The following CNTLN variants were observed in gnomAD, a reference collection of about 807,000 sequenced individuals.
The protein encoded by CNTLN is centlein.
CNTLN carries 212 observed loss-of-function variants against 180.0 expected under a neutral mutation model. The observed-to-expected ratio is 1.18, with a 90% CI of 1.05 to 1.32. The LOEUF (loss-of-function observed/expected upper bound fraction) is 1.32. Ranked by LOEUF, CNTLN falls within the 40% of genes most tolerant of loss-of-function variation. The pLI, the probability that CNTLN is intolerant of heterozygous loss-of-function variation, is 0.00. For synonymous variants in CNTLN, 722 were observed against 563.1 expected (o/e 1.28, Z -3.99); for missense variants, 2,095 against 1,610.9 (o/e 1.30, Z -5.14).
At chr9:17,448,880 T>C (rs1421852052) in intron 18 of CNTLN, among the ~76,000 whole-genome samples, 1 of 152,184 alleles carries the variant, frequency 6.6e-6, no homozygotes, top group Non-Finnish European at 1.5e-5. Flanking sequence ...GCTATTTCTA[T>C]GTTGAATTAA....
chr9:17,178,201 C>T (rs964407109), intron 2 of CNTLN, among the ~76,000 whole-genome samples: 1 of 152,178 alleles, frequency 6.6e-6, no homozygotes, highest in Admixed American at 6.5e-5. Context: ...GGTGCATTCA[C>T]AAGCACTGAG....
chr9:17,384,290 G>GAA (rs34297599), intron 13 of CNTLN, among the ~76,000 whole-genome samples: 72,639 of 148,242 alleles, frequency 0.49, 18,796 homozygotes, highest in Non-Finnish European at 0.59. Flanking sequence ...TAAATAAAAT[G>GAA]AAAAAAAAAA....
intron 2 of CNTLN, among the ~76,000 whole-genome samples, chr9:17,210,067 A>G (rs1451378218): frequency 6.6e-6 from 1 of 152,036 alleles, no homozygotes; most frequent in Non-Finnish European, 1.5e-5. Flanking sequence ...TTATTTATTT[A>G]TTTATTTTTA....
At chr9:17,240,342 A>AT (rs528494567) in intron 5 of CNTLN, among the ~76,000 whole-genome samples, 27 of 150,036 alleles carry the variant, frequency 1.8e-4, no homozygotes, top group African/African-American at 5.1e-4. Flanking sequence ...ACTAATTCTG[A>AT]TTTTTTTTTT....
At chr9:17,429,508 A>G (rs1216439694) in intron 18 of CNTLN, among the ~76,000 whole-genome samples, 1 of 152,104 alleles carries the variant, frequency 6.6e-6, no homozygotes, top group Non-Finnish European at 1.5e-5. Context: ...TTCATATCAA[A>G]TTAAATTTAA....
At chr9:17,223,295 A>T (rs1563897832) in intron 2 of CNTLN, among the ~76,000 whole-genome samples, 1 of 152,042 alleles carries the variant, frequency 6.6e-6, no homozygotes. Context: ...AGTGAAACTG[A>T]GGGTAAGGGG....
intron 18 of CNTLN, among the ~76,000 whole-genome samples, chr9:17,419,967 A>T (rs2584551): frequency 0.9 from 137,609 of 152,208 alleles, 62,688 homozygotes; most frequent in Non-Finnish European, 0.97. Context: ...CAGGCTGGAG[A>T]GCAGTGGCGC....
At chr9:17,500,348 G>T (rs908822680) in intron 25 of CNTLN, among the ~76,000 whole-genome samples, 1 of 152,200 alleles carries the variant, frequency 6.6e-6, no homozygotes, top group Non-Finnish European at 1.5e-5. Flanking sequence ...TAATGTCCAT[G>T]TTGAAAATTG....
At chr9:17,367,722 G>A (rs1028992025) in intron 13 of CNTLN, among the ~76,000 whole-genome samples, 1 of 152,134 alleles carries the variant, frequency 6.6e-6, no homozygotes, top group African/African-American at 2.4e-5. Context: ...GCTCCTGGAT[G>A]ACATTTCTAG....
At chr9:17,494,232 C>T (rs146269494) in intron 25 of CNTLN, among the ~76,000 whole-genome samples, 1 of 152,130 alleles carries the variant, frequency 6.6e-6, no homozygotes, top group African/African-American at 2.4e-5. Context: ...TGCTACTAGT[C>T]TCCCCAGAAG....
intron 12 of CNTLN, among the ~76,000 whole-genome samples, chr9:17,357,595 A>T (rs201225564): frequency 1.7e-3 from 146 of 84,372 alleles, no homozygotes; most frequent in East Asian, 9.6e-3. Flanking sequence ...TATATATATA[A>T]ATACTACATA....
rs60525398 is a variant in CNTLN at position 17,503,437 on chromosome 9, C to G, written c.*785C>G. 29 of 152,094 alleles carry G rather than the reference C, an allele frequency of 1.9e-4. No individual in the cohort carries two copies. Among genetic ancestry groups the G allele is most frequent in the African/African-American group, 5.8e-4 (24 of 41,366 alleles). 9.4% of individuals were successfully genotyped at this position (152,094 alleles called of 1,614,324 possible). Reference sequence around the variant, plus strand: ...ATTCCCACCTCATTTCACCTCTTCACCGTGTTCCTGCCATACCCTTTTTGG... The same window carrying G: ...ATTCCCACCTCATTTCACCTCTTCAGCGTGTTCCTGCCATACCCTTTTTGG... On this transcript the variant is annotated 3_prime_UTR_variant, in exon 26 of 26. Coordinates refer to ENST00000380647, the MANE Select transcript of CNTLN (RefSeq NM_017738.4).
intron 18 of CNTLN, among the ~76,000 whole-genome samples, chr9:17,421,008 T>A (rs1416345774): frequency 6.6e-6 from 1 of 152,212 alleles, no homozygotes; most frequent in South Asian, 2.1e-4. Context: ...CTCATCCATA[T>A]GCTAAGGAGA....
intron 2 of CNTLN, among the ~76,000 whole-genome samples, chr9:17,201,644 T>C (rs1368201608): frequency 6.6e-6 from 1 of 152,178 alleles, no homozygotes; most frequent in African/African-American, 2.4e-5. Context: ...TGGTATTCTC[T>C]GATGGTAGTT....
At chr9:17,484,233 A>T in intron 23 of CNTLN, 62 bp from the exon 24 acceptor site, 1 of 1,282,278 alleles carries the variant, frequency 7.8e-7, no homozygotes, top group Non-Finnish European at 1.1e-6. Context: ...TTTTTATGTT[A>T]TTACTGCTTT....
In CNTLN at chr9:17,342,348, G is replaced by A. The variant is rs1481379977; in HGVS notation, c.1790G>A (p.Arg597Lys). The A allele has an allele frequency of 1.2e-6, 2 of 1,612,266 alleles. No individual in the cohort carries two copies. The highest frequency in any genetic ancestry group is 1.7e-6 in the Non-Finnish European group (2 of 1,179,292). The change falls in exon 12 of 26, where the codon AGA (arginine) becomes AAA (lysine). Residue 597 changes from arginine (R) to lysine (K), a missense_variant. Physicochemically the swap from Arg to Lys is conservative, Grantham distance 26. Transcript: ENST00000380647. The stretch of plus-strand genomic sequence containing the variant: ...AGGACTGAAATCAGGAAAATAAAGA[G>A]AGCAGATCCCCAACAACTTCGACAA... ...SGMTEIRKIKRADPQQLRQED... is the reference protein window; with the variant it reads ...SGMTEIRKIKKADPQQLRQED...
At chr9:17,363,783 C>G (rs1294116322) in intron 12 of CNTLN, among the ~76,000 whole-genome samples, 3 of 151,974 alleles carry the variant, frequency 2.0e-5, no homozygotes, top group East Asian at 3.9e-4. Flanking sequence ...TTATTTAATT[C>G]CTTGTATATA....
intron 6 of CNTLN, among the ~76,000 whole-genome samples, chr9:17,280,084 T>A (rs1057460482): frequency 3.9e-5 from 6 of 152,172 alleles, no homozygotes; most frequent in Non-Finnish European, 8.8e-5. Flanking sequence ...CTGTAAGAAA[T>A]AAATTCCTTT....
intron 25 of CNTLN, among the ~76,000 whole-genome samples, chr9:17,501,007 C>A (rs1833726071): frequency 6.6e-6 from 1 of 152,138 alleles, no homozygotes; most frequent in Admixed American, 6.5e-5. Flanking sequence ...TGATCATATT[C>A]TTTTTGCTTA....
Sources: gnomAD v4.1 joint callset for allele counts (sites outside exome capture counted in the v4.1 genomes callset) on GRCh38, gnomAD v4.1.1 for gene constraint, MANE v1.5 for transcripts, NCBI Gene and HGNC (gene_info 2026-07-23, HGNC 2026-07-21) for gene names.